The following FNBP4 variants were observed in gnomAD, a reference collection of about 807,000 sequenced individuals.
FNBP4 encodes the protein formin-binding protein 4.
FNBP4 carries 34 observed loss-of-function variants against 119.3 expected under a neutral mutation model. The observed-to-expected ratio is 0.28, with a 90% confidence interval of 0.22 to 0.38. The LOEUF (loss-of-function observed/expected upper bound fraction) is 0.38. FNBP4 is among the 10% of genes least tolerant of loss of function. The pLI, the probability that FNBP4 is intolerant of heterozygous loss-of-function variation, is 1.00. For synonymous variants in FNBP4, 462 were observed against 430.6 expected (o/e 1.07, Z -0.90); for missense variants, 1,112 against 1,228.9 (o/e 0.90, Z 1.42).
intron 9 of FNBP4, 37 bp downstream of exon 9, chr11:47,736,578 AT>A (rs2097574446): frequency 6.7e-7 from 1 of 1,494,424 alleles, no homozygotes; most frequent in African/African-American, 1.4e-5. Context: ...GATAATAATA[AT>A]AAAAATTTGT....
intron 2 of FNBP4, among the ~76,000 whole-genome samples, chr11:47,761,916 G>A (rs1331408271): frequency 6.6e-6 from 1 of 150,618 alleles, no homozygotes; most frequent in African/African-American, 2.4e-5. Context: ...TTGGCTCACC[G>A]CAACCTCTGC....
At chr11:47,718,415 T>C (rs956889645) in intron 16 of FNBP4, among the ~76,000 whole-genome samples, 4 of 152,056 alleles carry the variant, frequency 2.6e-5, no homozygotes, top group African/African-American at 4.8e-5. Context: ...GTTTTCACTA[T>C]GTTGGCCAGG....
chr11:47,751,071 G>C, intron 5 of FNBP4, 35 bp from the exon 6 acceptor site: 3 of 1,612,584 alleles, frequency 1.9e-6, no homozygotes, highest in Non-Finnish European at 1.7e-6. Context: ...AGAAATATAA[G>C]ACAAATACTA....
At chr11:47,719,404 A>T (rs1462109660) in intron 16 of FNBP4, among the ~76,000 whole-genome samples, 2 of 152,228 alleles carry the variant, frequency 1.3e-5, no homozygotes, top group African/African-American at 4.8e-5. Flanking sequence ...CTGTTCTAGA[A>T]TAAGTGCAAT....
At chr11:47,724,224 C>T (rs1161907979) in intron 13 of FNBP4, 52 bp from the exon 14 acceptor site, 22 of 1,594,138 alleles carry the variant, frequency 1.4e-5, no homozygotes, top group Non-Finnish European at 1.7e-5. Context: ...TTAAACATAG[C>T]CCGCTCCCAC....
intron 11 of FNBP4, chr11:47,731,818 CT>C: frequency 8.5e-7 from 1 of 1,171,676 alleles, no homozygotes; most frequent in Non-Finnish European, 1.1e-6. Flanking sequence ...TTAGAAAACA[CT>C]TTTCTCTTTT....
intron 14 of FNBP4, among the ~76,000 whole-genome samples, chr11:47,723,550 CAT>C (rs1193260654): frequency 3.3e-5 from 5 of 152,106 alleles, no homozygotes; most frequent in African/African-American, 1.2e-4. Flanking sequence ...AATCTGGAAG[CAT>C]ATGTGCTGAA....
At position 47,743,980 on chromosome 11, in the gene FNBP4, G is replaced by A. The variant is rs2097585873; in HGVS notation, c.1429C>T (p.Arg477Ter). The A allele has an allele frequency of 6.2e-7, 1 of 1,613,902 alleles. No homozygotes were observed. The highest frequency in any genetic ancestry group is 1.3e-5 in the African/African-American group (1 of 74,894). The part of the protein sequence containing the change: ...STSRSSSKTG[R>*]DTPENGETAI... The stretch of plus-strand genomic sequence containing the variant: ...GTTTCTCCATTTTCTGGAGTATCTC[G>A]TCCAGTTTTACTAGAACTCCTACTG... Residue 477 changes from arginine (R) to a stop codon, truncating the protein, a stop_gained, in exon 8 of 17, where the codon CGA (arginine) becomes TGA (stop). Transcript: ENST00000263773. LOFTEE classifies it high-confidence loss of function.
intron 2 of FNBP4, among the ~76,000 whole-genome samples, chr11:47,761,430 T>C (rs1565167772): frequency 1.3e-5 from 2 of 151,982 alleles, no homozygotes; most frequent in African/African-American, 4.8e-5. Context: ...CTGTCTCTAC[T>C]AAAAATATAA....
rs747240931 is a variant in FNBP4, at chr11:47,724,723, T to G, written c.2064A>C (p.Pro688=). 15 of 1,602,770 alleles carry G rather than the reference T, an allele frequency of 9.4e-6. No individual in the cohort carries two copies. The Admixed American group carries it at 2.0e-4, about 22-fold the overall frequency. Residue 688 remains proline (P), a synonymous_variant, in exon 13 of 17, where the codon CCA becomes CCC. Transcript: ENST00000263773. ...SGQVSSSSLM[P]LTPFWTLLQS... The stretch of plus-strand genomic sequence containing the variant: ...GAAGGAGGGTCCAGAATGGAGTAAG[T>G]GGCATGAGTGATGAAGAAGAAACTT...
rs2097574559 is a variant in FNBP4 at position 47,736,656 on chromosome 11, A to C, written c.1541T>G (p.Val514Gly). The C allele has an allele frequency of 6.9e-6, 11 of 1,604,494 alleles. No homozygotes were observed. Among genetic ancestry groups the C allele is most frequent in the Non-Finnish European group, 9.4e-6 (11 of 1,172,360 alleles). ...TTCTTCTACTTTTGGTGTTGTCTGT[A>C]CTTTTATTTTCTCTGGAGATTCTTC... Reference protein sequence around the residue: ...EVEESPEKIKVQTTPKVEEEQ... With the variant: ...EVEESPEKIKGQTTPKVEEEQ... Residue 514 changes from valine (V) to glycine (G), a missense_variant, in exon 9 of 17, where the codon GTA becomes GGA. Physicochemically the swap from Val to Gly is moderately radical, Grantham distance 109. Transcript: ENST00000263773.
chr11:47,731,449 T>G lies in FNBP4; in HGVS notation c.1933A>C (p.Thr645Pro), dbSNP rs1470500782. The G allele has an allele frequency of 6.2e-7, 1 of 1,612,498 alleles. No individual in the cohort carries two copies. The highest frequency in any genetic ancestry group is 8.5e-7 in the Non-Finnish European group (1 of 1,179,472). ...ESQAQENRDE[T>P]LAKQTLKDKT... The stretch of plus-strand genomic sequence containing the variant: ...TCTTTCAAGGTCTGTTTGGCAAGAG[T>G]CTCATCTCTATTTTCTTGTGCTTGG... Residue 645 changes from threonine (T) to proline (P), a missense_variant, in exon 12 of 17, where the codon ACT becomes CCT. Physicochemically the swap from Thr to Pro is conservative, Grantham distance 38 (BLOSUM62 -1). Around this residue, in one of 2 missense-constraint regions of FNBP4, gnomAD observed 826 missense variants for 988.8 expected, o/e 0.84. Coordinates refer to ENST00000263773, the MANE Select transcript of FNBP4 (RefSeq NM_015308.5).
intron 4 of FNBP4, chr11:47,752,673 G>T (rs1464238739): frequency 5.3e-6 from 2 of 375,558 alleles, no homozygotes; most frequent in Non-Finnish European, 9.8e-6. Flanking sequence ...AATTAGCCAG[G>T]CATGGCAGTG....
chr11:47,767,238 G>C lies in FNBP4; in HGVS notation c.51C>G (p.Leu17=). 3.2e-6 allele frequency: 5 copies of C among 1,569,852 alleles called. No individual in the cohort carries two copies. The highest frequency in any genetic ancestry group is 1.4e-5 in the African/African-American group (1 of 73,028). ...AVPGRRPILQ[L]SPPGPRGSTP... ...TGCTGCCCCGAGGACCCGGCGGAGA[G>C]AGTTGCAGGATGGGCCTACGGCCGG... The change falls in exon 1 of 17, where the codon CTC becomes CTG. Residue 17 remains leucine, a synonymous_variant. Coordinates refer to ENST00000263773, the MANE Select transcript of FNBP4 (RefSeq NM_015308.5).
intron 3 of FNBP4, 99 bp downstream of exon 3, chr11:47,754,429 G>A (rs2097611644): frequency 1.8e-6 from 2 of 1,110,506 alleles, no homozygotes; most frequent in East Asian, 2.4e-5. Flanking sequence ...AGGGAGAAAG[G>A]AGGAGGAAGA....
rs201306365 is a variant in FNBP4 at position 47,720,009 on chromosome 11, G to A, written c.2883C>T (p.Asp961=). 36 of 1,613,942 alleles carry A rather than the reference G, an allele frequency of 2.2e-5. No individual in the cohort carries two copies. In the East Asian group the frequency reaches 7.6e-4, roughly 34 times the overall value. Residue 961 remains aspartate, a synonymous_variant, in exon 16 of 17, where the codon GAC becomes GAT. Transcript: ENST00000263773. The stretch of plus-strand genomic sequence containing the variant: ...GATCCTCTTCACTGGAACTAGAATT[G>A]TCCTCTTCATCTAACTCACGCTGGA... ...QSIQRELDEE[D]NSSSSEEDRE...
chr11:47,720,220 C>T lies in FNBP4; in HGVS notation c.2806-134G>A, dbSNP rs2097553991. On this transcript the variant is annotated intron_variant, in intron 15 of 16. Coordinates refer to ENST00000263773, the MANE Select transcript of FNBP4 (RefSeq NM_015308.5). Reference sequence around the variant, plus strand: ...TTTAAAAAAGAAAGTAAATACCATTCTAAGTTCTTGCCATAAATTTCTTAC... The same window carrying T: ...TTTAAAAAAGAAAGTAAATACCATTTTAAGTTCTTGCCATAAATTTCTTAC... 6 of 842,994 alleles carry T rather than the reference C, an allele frequency of 7.1e-6. No individual in the cohort carries two copies. The South Asian group carries it at 1.3e-4, about 18-fold the overall frequency. 52.2% of individuals were successfully genotyped at this position (842,994 alleles called of 1,614,324 possible).
intron 4 of FNBP4, among the ~76,000 whole-genome samples, chr11:47,751,655 T>TA (rs541461844): frequency 1.3e-4 from 19 of 151,398 alleles, no homozygotes; most frequent in African/African-American, 2.7e-4. Flanking sequence ...ACACATTTTT[T>TA]AAAAAAAAAC....
At chr11:47,719,112 A>C (rs2097552647) in intron 16 of FNBP4, among the ~76,000 whole-genome samples, 1 of 152,120 alleles carries the variant, frequency 6.6e-6, no homozygotes, top group Non-Finnish European at 1.5e-5. Flanking sequence ...CTGGTCTCGA[A>C]TTCCTGACCT....
Sources: gnomAD v4.1 joint callset for allele counts (sites outside exome capture counted in the v4.1 genomes callset) on GRCh38, gnomAD v4.1.1 for gene constraint, gnomAD v4.1.1 regional missense constraint, MANE v1.5 for transcripts, NCBI Gene and HGNC (gene_info 2026-07-23, HGNC 2026-07-21) for gene names.